MKRN2: variants seen among roughly 807,000 people sequenced by gnomAD.
MKRN2 encodes the protein makorin ring finger protein 2.
Under a neutral mutation model 45.4 loss-of-function variants are expected in MKRN2, and 32 were observed. That is an observed-to-expected ratio of 0.70 (90% CI 0.53 to 0.95). The LOEUF (loss-of-function observed/expected upper bound fraction) is 0.95, where lower values mean the gene tolerates loss of function less well. Ranked by LOEUF, MKRN2 falls within the 40% of genes least tolerant of loss-of-function variation. The pLI, the probability that MKRN2 is intolerant of heterozygous loss-of-function variation, is 0.00. For synonymous variants in MKRN2, 206 were observed against 192.4 expected, an observed-to-expected ratio of 1.07 and a Z score of -0.59; for missense variants, 526 against 536.7, an observed-to-expected ratio of 0.98 and a Z score of 0.20.
intron 7 of MKRN2, 51 bp from the exon 8 acceptor site, chr3:12,582,065 T>C (rs2058184419): frequency 1.9e-6 from 3 of 1,611,674 alleles, no homozygotes; most frequent in Non-Finnish European, 2.5e-6. Flanking sequence ...GAACGCAGCC[T>C]TCCTGTTGCT....
At chr3:12,576,961 T>A in intron 6 of MKRN2, 1 of 237,794 alleles carries the variant, frequency 4.2e-6, no homozygotes, top group East Asian at 1.0e-4. Flanking sequence ...TTTTTTTCGG[T>A]GAGATAGGGT....
At chr3:12,570,648 G>A (rs989456167) in intron 3 of MKRN2, among the ~76,000 whole-genome samples, 4 of 151,906 alleles carry the variant, frequency 2.6e-5, no homozygotes, top group East Asian at 1.9e-4. Flanking sequence ...AGGCTGAGGC[G>A]GGTGGATCAC....
chr3:12,576,935 T>TTTTGTTTTTTG (rs2058142696), intron 6 of MKRN2, 194 bp downstream of exon 6: 1 of 164,544 alleles, frequency 6.1e-6, no homozygotes, highest in Non-Finnish European at 1.1e-5. Flanking sequence ...GTTTTGGTGT[T>TTTTGTTTTTTG]TTTTTTTTTT....
chr3:12,558,094 T>C (rs780027301), intron 1 of MKRN2, among the ~76,000 whole-genome samples: 46 of 152,252 alleles, frequency 3.0e-4, no homozygotes, highest in Non-Finnish European at 5.9e-4. Context: ...ATGGGAAACA[T>C]TGCTTAAAAA....
chr3:12,577,919 C>T (rs1342077864), intron 6 of MKRN2, among the ~76,000 whole-genome samples: 1 of 152,274 alleles, frequency 6.6e-6, no homozygotes, highest in Non-Finnish European at 1.5e-5. Flanking sequence ...TCAGGTGATC[C>T]GCCCACCTCG....
intron 5 of MKRN2, among the ~76,000 whole-genome samples, 164 bp downstream of exon 5, chr3:12,575,170 G>A (rs1446649179): frequency 1.3e-5 from 2 of 152,298 alleles, no homozygotes; most frequent in Admixed American, 6.5e-5. Context: ...CTGAGCCTAA[G>A]TGCCTGTTCC....
chr3:12,568,821 T>G (rs1432828963), intron 1 of MKRN2, 54 bp from the exon 2 acceptor site: 2 of 1,588,112 alleles, frequency 1.3e-6, no homozygotes, highest in African/African-American at 2.7e-5. Flanking sequence ...ATAAGCTGAT[T>G]TTATAAAGCA....
chr3:12,576,942 T>G (rs1404472088), intron 6 of MKRN2: 15 of 261,944 alleles, frequency 5.7e-5, no homozygotes, highest in East Asian at 1.5e-4. Context: ...TGTTTTTTTT[T>G]TTTTTTTTTT....
At chr3:12,578,397 T>C (rs570318156) in intron 6 of MKRN2, among the ~76,000 whole-genome samples, 1 of 142,222 alleles carries the variant, frequency 7.0e-6, no homozygotes, top group South Asian at 2.3e-4. Context: ...CTCAGCTCAC[T>C]GCCACCTCCG....
chr3:12,574,669 A>G (rs2058119888), intron 4 of MKRN2, 123 bp from the exon 5 acceptor site: 1 of 912,712 alleles, frequency 1.1e-6, no homozygotes, highest in Admixed American at 2.1e-5. Flanking sequence ...CTTTGCTCAC[A>G]GCAGTCGCTG....
At chr3:12,577,803 G>A (rs1280647195) in intron 6 of MKRN2, among the ~76,000 whole-genome samples, 1 of 152,030 alleles carries the variant, frequency 6.6e-6, no homozygotes. Flanking sequence ...AGCCTCCCGA[G>A]TAGCAGGGAT....
rs374224014 is a variant in MKRN2, at chr3:12,570,949, T to C, written c.337+697T>C. Among the ~76,000 whole-genome samples, 134 of 152,184 alleles carry C rather than the reference T, an allele frequency of 8.8e-4. 2 individuals are homozygous for C. In the South Asian group the frequency reaches 0.027, roughly 31 times the overall value. On this transcript the variant is annotated intron_variant, in intron 3 of 7. Transcript: ENST00000170447. ...AAGAGCATGTTTCACTGTTTGACTT[T>C]TAGGCCAGTGAATGGTCTTAGTTTT...
chr3:12,566,431 T>C (rs1475338809), intron 1 of MKRN2, among the ~76,000 whole-genome samples: 3 of 149,470 alleles, frequency 2.0e-5, no homozygotes, highest in African/African-American at 7.6e-5. Flanking sequence ...TCCATGCTCC[T>C]TGGTAGTCAG....
chr3:12,572,129 G>A lies in MKRN2; in HGVS notation c.398G>A (p.Cys133Tyr). 6.2e-7 allele frequency: 1 copy of A among 1,613,988 alleles called. No individual in the cohort carries two copies. Among genetic ancestry groups the A allele is most frequent in the Non-Finnish European group, 8.5e-7 (1 of 1,179,974 alleles). Residue 133 changes from cysteine to tyrosine, a missense_variant, in exon 4 of 8, where the codon TGC becomes TAC. Cys to Tyr is a radical substitution (Grantham distance 194). Transcript: ENST00000170447. Reference protein sequence around the residue: ...QPSMVSNPGSCSDPQPSPEMK... With the variant: ...QPSMVSNPGSYSDPQPSPEMK... ...AGCATGGTGAGTAATCCAGGCAGCT[G>A]CAGCGACCCCCAGCCCAGCCCCGAG... is the stretch of plus-strand genomic sequence containing the variant.
rs930629782 is a variant in MKRN2, at chr3:12,581,853, A to G, written c.1014A>G (p.Pro338=). 1.2e-5 allele frequency: 20 copies of G among 1,614,206 alleles called. No homozygotes were observed. The highest frequency in any genetic ancestry group is 5.3e-5 in the African/African-American group (4 of 75,052). ...TTGAGCAAGGCAAGGGGACCTGCCC[A>G]TTTGGAAGCAAATGTCTTTATCGCC... ...KYFEQGKGTC[P]FGSKCLYRHA... The change falls in exon 7 of 8, where the codon CCA becomes CCG. Residue 338 remains proline (P), a synonymous_variant. Transcript: ENST00000170447.
intron 1 of MKRN2, among the ~76,000 whole-genome samples, chr3:12,566,046 GT>G (rs1339376146): frequency 1.3e-5 from 2 of 151,926 alleles, no homozygotes; most frequent in East Asian, 3.9e-4. Context: ...TACAGATTGG[GT>G]TTTGCCATGT....
At chr3:12,577,469 CTTT>C (rs1417952662) in intron 6 of MKRN2, among the ~76,000 whole-genome samples, 1 of 151,970 alleles carries the variant, frequency 6.6e-6, no homozygotes, top group Non-Finnish European at 1.5e-5. Flanking sequence ...CTTTTTCAAT[CTTT>C]TTTTCTTTTC....
rs1310104345 is a variant in MKRN2 at position 12,582,119 on chromosome 3, T to C, written c.1117T>C (p.Phe373Leu). 9 of 1,614,076 alleles carry C rather than the reference T, an allele frequency of 5.6e-6. 1 individual carries two copies. The highest frequency in any genetic ancestry group is 2.2e-5 in the South Asian group (2 of 91,084). ...QLSSQGTVRF[F>L]NSVRLWDFIE... is the part of the protein sequence containing the mutation. ...TGTCCACTGGCTGTTTTTGCAGTTCTTTAATTCAGTGCGGCTCTGGGATTT... is the reference window on the plus strand; with the variant it reads ...TGTCCACTGGCTGTTTTTGCAGTTCCTTAATTCAGTGCGGCTCTGGGATTT... Residue 373 changes from phenylalanine (F) to leucine (L), a missense_variant, in exon 8 of 8, where the codon TTT (phenylalanine) becomes CTT (leucine). Transcript: ENST00000170447.
intron 6 of MKRN2, 74 bp downstream of exon 6, chr3:12,576,815 T>A: frequency 9.2e-7 from 1 of 1,084,390 alleles, no homozygotes; most frequent in South Asian, 1.4e-5. Flanking sequence ...CTCGTTCTCC[T>A]TCCCAGGAGT....
Sources: gnomAD v4.1 joint callset for allele counts (sites outside exome capture counted in the v4.1 genomes callset) on GRCh38, gnomAD v4.1.1 for gene constraint, MANE v1.5 for transcripts, NCBI Gene and HGNC (gene_info 2026-07-23, HGNC 2026-07-21) for gene names.